The following MMP26 variants were observed in gnomAD, a reference collection of about 807,000 sequenced individuals.
MMP26 encodes matrix metallopeptidase 26, also known as matrix metalloproteinase-26.
A neutral mutation model predicts 31.0 loss-of-function variants in MMP26; 33 were observed. The ratio of observed to expected loss-of-function variants is 1.06; its 90% CI spans 0.81 to 1.42. The LOEUF is 1.42. Ranked by LOEUF, MMP26 falls within the 40% of genes most tolerant of loss-of-function variation. The pLI is 0.00. For synonymous variants in MMP26, 122 were observed against 114.9 expected, an observed-to-expected ratio of 1.06 and a Z score of -0.40; for missense variants, 347 against 316.1, an observed-to-expected ratio of 1.10 and a Z score of -0.74.
At chr11:4,907,391 G>T (rs11034596) in intron 2 of MMP26, 2 of 1,612,766 alleles carry the variant, frequency 1.2e-6, no homozygotes, top group African/African-American at 1.3e-5. Flanking sequence ...CAATAACTCC[G>T]AAGTCAAGCT....
At chr11:4,804,438 A>C in intron 2 of MMP26, 1 of 1,295,602 alleles carries the variant, frequency 7.7e-7, no homozygotes, top group Non-Finnish European at 1.1e-6. Context: ...GATGATAACA[A>C]TCAAAACAAG....
chr11:4,798,990 T>C (rs970864982), intron 2 of MMP26, among the ~76,000 whole-genome samples: 1 of 152,176 alleles, frequency 6.6e-6, no homozygotes, highest in Non-Finnish European at 1.5e-5. Context: ...CTGCCTTTAA[T>C]ACGGTTTTGT....
intron 2 of MMP26, among the ~76,000 whole-genome samples, chr11:4,808,124 A>G (rs912511311): frequency 2.0e-5 from 3 of 152,038 alleles, no homozygotes; most frequent in Non-Finnish European, 2.9e-5. Flanking sequence ...ATTGTTTCTA[A>G]CTCACACAAA....
At chr11:4,964,377 C>T (rs1255487379) in intron 2 of MMP26, among the ~76,000 whole-genome samples, 1 of 151,944 alleles carries the variant, frequency 6.6e-6, no homozygotes, top group African/African-American at 2.4e-5. Flanking sequence ...GAATCCTTTC[C>T]CCATTGCTTA....
intron 2 of MMP26, among the ~76,000 whole-genome samples, chr11:4,771,038 G>T (rs1333325001): frequency 6.6e-6 from 1 of 152,118 alleles, no homozygotes; most frequent in Non-Finnish European, 1.5e-5. Flanking sequence ...TAGCAGTGGA[G>T]GTACGGTTTA....
rs141583321 is a variant in MMP26, at chr11:4,807,419, A to G, written c.-145+40078A>G. ...TAAGAAAATGTGGCACATATACCCC[A>G]TGGAATACTATGCAGGCATAAAAAA... On this transcript the variant is annotated intron_variant, in intron 2 of 7. Transcript: ENST00000380390. Among the ~76,000 whole-genome samples, 1,278 of 152,334 alleles carry G rather than the reference A, an allele frequency of 8.4e-3. 21 individuals are homozygous for G. The highest frequency in any genetic ancestry group is 0.029 in the African/African-American group (1,205 of 41,572).
At chr11:4,870,278 C>T (rs1179889723) in intron 2 of MMP26, among the ~76,000 whole-genome samples, 1 of 151,876 alleles carries the variant, frequency 6.6e-6, no homozygotes, top group Non-Finnish European at 1.5e-5. Flanking sequence ...ATAGAAAAGA[C>T]TGCTTATGTA....
At chr11:4,801,508 A>T (rs978713589) in intron 2 of MMP26, among the ~76,000 whole-genome samples, 4 of 112 alleles carry the variant, frequency 0.036, no homozygotes, top group African/African-American at 0.075. Context: ...CGGACTTTTT[A>T]TTTATTTATT....
intron 1 of MMP26, among the ~76,000 whole-genome samples, chr11:4,729,844 C>A (rs150677879): frequency 6.6e-6 from 1 of 152,018 alleles, no homozygotes; most frequent in African/African-American, 2.4e-5. Context: ...TTCTCCCAAT[C>A]TGATCAGGCA....
At chr11:4,842,152 A>G (rs1287978880) in intron 2 of MMP26, among the ~76,000 whole-genome samples, 4 of 152,236 alleles carry the variant, frequency 2.6e-5, no homozygotes, top group Non-Finnish European at 5.9e-5. Flanking sequence ...AGACATAGAC[A>G]GCACAATAAG....
intron 2 of MMP26, among the ~76,000 whole-genome samples, chr11:4,813,416 G>A (rs1285970886): frequency 2.6e-5 from 4 of 151,424 alleles, no homozygotes; most frequent in Non-Finnish European, 5.9e-5. Flanking sequence ...TAGAGATGGG[G>A]TCTTGCTATG....
intron 2 of MMP26, among the ~76,000 whole-genome samples, chr11:4,829,439 A>G (rs1038942019): frequency 1.3e-5 from 2 of 152,162 alleles, no homozygotes; most frequent in Non-Finnish European, 2.9e-5. Context: ...TATTTTGCTA[A>G]ATCTTATTTT....
chr11:4,838,489 T>C (rs1849751393), intron 2 of MMP26, among the ~76,000 whole-genome samples: 1 of 152,020 alleles, frequency 6.6e-6, no homozygotes, highest in Admixed American at 6.6e-5. Context: ...AGCCTAAGTG[T>C]ACATGGGGAA....
chr11:4,713,753 A>T (rs1053029070), intron 1 of MMP26, among the ~76,000 whole-genome samples: 2 of 152,134 alleles, frequency 1.3e-5, no homozygotes, highest in South Asian at 4.1e-4. Context: ...AGATAAGTTT[A>T]TCAGTTGGGT....
chr11:4,743,161 A>C (rs1036283117), intron 1 of MMP26, among the ~76,000 whole-genome samples: 2 of 151,954 alleles, frequency 1.3e-5, no homozygotes, highest in African/African-American at 4.8e-5. Context: ...TGTTTATGTG[A>C]TTTTCTTTTC....
intron 2 of MMP26, among the ~76,000 whole-genome samples, chr11:4,924,953 T>C (rs916242132): frequency 2.0e-5 from 3 of 152,228 alleles, no homozygotes; most frequent in Admixed American, 6.5e-5. Context: ...TTTTATTCAA[T>C]TGCATTGAAA....
At chr11:4,914,575 G>C in intron 2 of MMP26, 1 of 622,450 alleles carries the variant, frequency 1.6e-6, no homozygotes, top group East Asian at 2.8e-5. Flanking sequence ...AACAGAGTGA[G>C]GGTTCTGTAA....
At chr11:4,882,301 T>C in intron 2 of MMP26, 1 of 1,614,014 alleles carries the variant, frequency 6.2e-7, no homozygotes, top group South Asian at 1.1e-5. Flanking sequence ...CACTGAACTA[T>C]GCTACTATCC....
chr11:4,874,691 T>C (rs1004805231), intron 2 of MMP26, among the ~76,000 whole-genome samples: 1 of 152,014 alleles, frequency 6.6e-6, no homozygotes, highest in Non-Finnish European at 1.5e-5. Context: ...CTAAACCTTC[T>C]GTCAGCTGTG....
Sources: gnomAD v4.1 joint callset for allele counts (sites outside exome capture counted in the v4.1 genomes callset) on GRCh38, gnomAD v4.1.1 for gene constraint, MANE v1.5 for transcripts, NCBI Gene and HGNC (gene_info 2026-07-23, HGNC 2026-07-21) for gene names.